Variants in NME9 observed in about 807,000 individuals in gnomAD.
NME9 encodes thioredoxin domain-containing protein 6.
NME9 carries 48 observed loss-of-function variants against 44.4 expected under a neutral mutation model. The observed-to-expected ratio is 1.08, with a 90% confidence interval of 0.86 to 1.37. NME9 has a LOEUF of 1.37. Ranked by LOEUF, NME9 falls within the 40% of genes most tolerant of loss-of-function variation. NME9 has a pLI of 0.00. For synonymous variants in NME9, 139 were observed against 147.1 expected (o/e 0.94, Z 0.40); for missense variants, 325 against 405.2 (o/e 0.80, Z 1.70).
At chr3:138,262,415 T>G (rs1359919220) in exon 9 of NME9, 1 of 1,116,786 alleles carries the variant, frequency 9.0e-7, no homozygotes, top group African/African-American at 1.6e-5. Flanking sequence ...CTGTTCTTAA[T>G]AGATGATATT....
intron 8 of NME9, among the ~76,000 whole-genome samples, chr3:138,287,032 A>C (rs926973391): frequency 2.6e-5 from 4 of 152,008 alleles, no homozygotes; most frequent in African/African-American, 9.7e-5. Context: ...CACTGCCCCC[A>C]CCCTAGTCAG....
At chr3:138,290,677 G>C in intron 8 of NME9, 1 of 1,415,752 alleles carries the variant, frequency 7.1e-7, no homozygotes, top group South Asian at 1.2e-5. Flanking sequence ...TTTGGGCTGT[G>C]TTGGATTCTT....
chr3:138,321,518 G>T (rs1440980336), intron 2 of NME9, among the ~76,000 whole-genome samples: 1 of 152,178 alleles, frequency 6.6e-6, no homozygotes, highest in Non-Finnish European at 1.5e-5. Context: ...TTCAACACCT[G>T]AATTTTGAAG....
chr3:138,269,129 G>A (rs1361775217), intron 8 of NME9, among the ~76,000 whole-genome samples: 3 of 152,160 alleles, frequency 2.0e-5, no homozygotes, highest in African/African-American at 7.2e-5. Flanking sequence ...GCGGATCTGG[G>A]AAAAGAATAT....
intron 8 of NME9, chr3:138,273,039 C>T (rs754763078): frequency 1.2e-6 from 2 of 1,612,988 alleles, no homozygotes; most frequent in Non-Finnish European, 1.7e-6. Context: ...ACAGCTATTC[C>T]GGTTATTATC....
intron 8 of NME9, chr3:138,290,610 T>A: frequency 6.2e-7 from 1 of 1,605,878 alleles, no homozygotes. Flanking sequence ...ACAAACTGAG[T>A]CAGTCACCAG....
In NME9 at chr3:138,284,383, C is replaced by T. The variant is rs1184701563; in HGVS notation, c.745+19124G>A. On this transcript the variant is annotated intron_variant, in intron 8 of 8. Transcript: ENST00000317876. ...CCCAAGCTCTTGAGACAGCTTGACT[C>T]TGGGACTTCAGAGCTTTCCTGACTG... The T allele has an allele frequency of 2.7e-6, 4 of 1,461,692 alleles. No individual in the cohort carries two copies. In the East Asian group the frequency reaches 6.8e-5, roughly 25 times the overall value. The allele number at this position is 1,461,692 out of a possible 1,614,324, so 90.5% of individuals were successfully genotyped here. A position where few individuals can be genotyped will look rare whatever the true frequency, so the allele number is the denominator to read the frequency against.
chr3:138,325,973 T>C (rs1027848217), intron 1 of NME9, among the ~76,000 whole-genome samples: 1 of 152,222 alleles, frequency 6.6e-6, no homozygotes, highest in Non-Finnish European at 1.5e-5. Context: ...ATTTATCCCA[T>C]AATGTCCTGA....
At chr3:138,329,259 C>G (rs1018373605) in intron 1 of NME9, 44 bp downstream of exon 1, 11 of 1,510,508 alleles carry the variant, frequency 7.3e-6, no homozygotes, top group Middle Eastern at 1.7e-4. Context: ...TCCTCTTCCC[C>G]GAGCCCAACC....
chr3:138,301,051 A>G lies in NME9; in HGVS notation c.*589T>C. On this transcript the variant is annotated 3_prime_UTR_variant, in exon 11 of 11. Coordinates refer to ENST00000333911, the MANE Select transcript of NME9 (RefSeq NM_001349018.2). ...GGGGAAACACCATCTCATATAACCC[A>G]GTATCCTCTGAGATGACACTTATAT... 2 of 975,146 alleles carry G rather than the reference A, an allele frequency of 2.1e-6. No homozygotes were observed. Among genetic ancestry groups the G allele is most frequent in the Non-Finnish European group, 2.4e-6 (2 of 820,538 alleles). 60.4% of individuals were successfully genotyped at this position (975,146 alleles called of 1,614,324 possible).
intron 1 of NME9, 32 bp from the exon 2 acceptor site, chr3:138,324,962 C>T: frequency 1.3e-6 from 2 of 1,578,236 alleles, no homozygotes; most frequent in Non-Finnish European, 1.7e-6. Context: ...TGCCGTATTA[C>T]TGAGGGCTCA....
intron 8 of NME9, chr3:138,264,070 G>A (rs2108266178): frequency 2.0e-6 from 3 of 1,483,596 alleles, no homozygotes; most frequent in Non-Finnish European, 2.8e-6. Flanking sequence ...ATGCCAGCCA[G>A]TTTGTTTGAA....
chr3:138,313,974 C>A (rs956758078), intron 6 of NME9, among the ~76,000 whole-genome samples: 1 of 152,146 alleles, frequency 6.6e-6, no homozygotes, highest in Non-Finnish European at 1.5e-5. Flanking sequence ...CAGAAGAAAT[C>A]AGACCTGGTA....
chr3:138,273,433 G>A (rs965525055), intron 8 of NME9, among the ~76,000 whole-genome samples: 1 of 152,164 alleles, frequency 6.6e-6, no homozygotes, highest in African/African-American at 2.4e-5. Context: ...TGTCCAGGAT[G>A]GATTTTCTCA....
At chr3:138,280,532 C>A (rs1329916616) in intron 8 of NME9, among the ~76,000 whole-genome samples, 1 of 138,034 alleles carries the variant, frequency 7.2e-6, no homozygotes, top group Non-Finnish European at 1.6e-5. Context: ...CTCGCTCTGT[C>A]GCCCAGGCTG....
chr3:138,319,372 T>A, intron 3 of NME9, 106 bp downstream of exon 3: 1 of 665,750 alleles, frequency 1.5e-6, no homozygotes, highest in East Asian at 2.7e-5. Flanking sequence ...GATTCCTTTT[T>A]AATGACCTGA....
At chr3:138,318,653 G>A (rs2053262174) in intron 3 of NME9, among the ~76,000 whole-genome samples, 1 of 151,944 alleles carries the variant, frequency 6.6e-6, no homozygotes, top group Non-Finnish European at 1.5e-5. Context: ...AGGAACTGCA[G>A]AGTCCTTGAA....
chr3:138,281,705 T>C (rs2049945118), intron 8 of NME9, among the ~76,000 whole-genome samples: 1 of 152,182 alleles, frequency 6.6e-6, no homozygotes, highest in Admixed American at 6.5e-5. Flanking sequence ...AGCCTGGGGA[T>C]GCATGGGCGT....
intron 8 of NME9, chr3:138,264,044 C>A: frequency 8.2e-7 from 1 of 1,217,872 alleles, no homozygotes; most frequent in Non-Finnish European, 1.2e-6. Flanking sequence ...TTGAAGTGTA[C>A]ATTAGTCATT....
Sources: allele counts gnomAD v4.1 joint callset (sites outside exome capture counted in the v4.1 genomes callset), GRCh38; gene constraint gnomAD v4.1.1; transcripts MANE v1.5; gene names NCBI Gene and HGNC (gene_info 2026-07-23, HGNC 2026-07-21).